Variants in EYS observed in about 807,000 individuals in gnomAD.
EYS encodes the protein protein eyes shut homolog.
Under a neutral mutation model 282.1 loss-of-function variants are expected in EYS, and 250 were observed. The observed-to-expected ratio is 0.89, with a 90% CI of 0.80 to 0.98. EYS has a LOEUF of 0.98. Among genes scored for constraint, EYS ranks in the 50% least tolerant of loss-of-function variants. EYS has a pLI of 0.00. For missense variants in EYS, 4,016 were observed against 3,709.0 expected, an observed-to-expected ratio of 1.08 and a Z score of -2.15; for synonymous variants, 1,355 against 1,282.9, an observed-to-expected ratio of 1.06 and a Z score of -1.20.
chr6:65,632,870 T>G (rs1766964788), intron 2 of EYS, among the ~76,000 whole-genome samples: 1 of 152,162 alleles, frequency 6.6e-6, no homozygotes, highest in South Asian at 2.1e-4. Context: ...TTAAATAACT[T>G]TCCCTGAATT....
intron 12 of EYS, among the ~76,000 whole-genome samples, chr6:65,092,258 C>G (rs1179203667): frequency 6.6e-6 from 1 of 152,044 alleles, no homozygotes. Context: ...AACAAAGTTG[C>G]AAAGATTCAT....
At chr6:65,509,882 G>A (rs1421134936) in intron 2 of EYS, among the ~76,000 whole-genome samples, 4 of 152,062 alleles carry the variant, frequency 2.6e-5, no homozygotes, top group African/African-American at 9.7e-5. Flanking sequence ...TAACTCAGCT[G>A]TACTTCTGAA....
chr6:65,418,881 C>T (rs1767346820), intron 5 of EYS, among the ~76,000 whole-genome samples: 1 of 151,830 alleles, frequency 6.6e-6, no homozygotes, highest in African/African-American at 2.4e-5. Flanking sequence ...GGTCTCAAGC[C>T]ACAATAAGCG....
chr6:65,566,220 C>A (rs1263755776), intron 2 of EYS, among the ~76,000 whole-genome samples: 1 of 151,966 alleles, frequency 6.6e-6, no homozygotes, highest in Non-Finnish European at 1.5e-5. Context: ...TGGAGTTTGA[C>A]CTTCCACCAG....
intron 26 of EYS, among the ~76,000 whole-genome samples, chr6:64,550,245 T>G (rs1013436317): frequency 6.6e-6 from 1 of 152,208 alleles, no homozygotes; most frequent in East Asian, 1.9e-4. Context: ...CCTTTGGGTA[T>G]ATACCCAGTA....
intron 13 of EYS, among the ~76,000 whole-genome samples, chr6:65,055,379 A>G (rs1773382218): frequency 6.6e-6 from 1 of 152,080 alleles, no homozygotes; most frequent in South Asian, 2.1e-4. Flanking sequence ...GAACAGTTGC[A>G]AGGATAGTAC....
At chr6:65,047,674 G>A (rs966293148) in intron 13 of EYS, among the ~76,000 whole-genome samples, 1 of 151,860 alleles carries the variant, frequency 6.6e-6, no homozygotes, top group African/African-American at 2.4e-5. Flanking sequence ...CACACATTAG[G>A]ATTACTAAGT....
intron 36 of EYS, among the ~76,000 whole-genome samples, chr6:63,817,752 A>G (rs189567621): frequency 6.6e-6 from 1 of 152,160 alleles, no homozygotes; most frequent in Admixed American, 6.5e-5. Flanking sequence ...CACGTAGGGG[A>G]AGCAAATTTA....
At chr6:64,848,267 T>A (rs1018301128) in intron 19 of EYS, among the ~76,000 whole-genome samples, 5 of 152,030 alleles carry the variant, frequency 3.3e-5, no homozygotes, top group Admixed American at 1.3e-4. Context: ...ATTTTTTCAG[T>A]CTTTAAGAAT....
intron 28 of EYS, among the ~76,000 whole-genome samples, chr6:64,400,672 A>G (rs1773513532): frequency 6.6e-6 from 1 of 152,136 alleles, no homozygotes. Flanking sequence ...GCTGATGAAC[A>G]GTTTGCTTAG....
intron 24 of EYS, among the ~76,000 whole-genome samples, chr6:64,615,399 CATTTCAATATTTT>C (rs1465549816): frequency 6.6e-6 from 1 of 151,974 alleles, no homozygotes; most frequent in Non-Finnish European, 1.5e-5. Context: ...TACCTGTATC[CATTTCAATATTTT>C]ATTTCAATAT....
intron 26 of EYS, among the ~76,000 whole-genome samples, chr6:64,497,665 AC>A (rs1776932843): frequency 6.6e-6 from 1 of 152,126 alleles, no homozygotes; most frequent in African/African-American, 2.4e-5. Context: ...AGTGTGACAG[AC>A]TCACGGGCAA....
At chr6:65,618,221 C>A (rs1402727991) in intron 2 of EYS, among the ~76,000 whole-genome samples, 1 of 152,190 alleles carries the variant, frequency 6.6e-6, no homozygotes, top group Non-Finnish European at 1.5e-5. Flanking sequence ...CCTGTTGTTT[C>A]CTGAATTTTT....
intron 13 of EYS, among the ~76,000 whole-genome samples, chr6:65,002,921 G>A (rs1023674606): frequency 3.6e-5 from 3 of 83,122 alleles, no homozygotes; most frequent in African/African-American, 2.1e-4. Context: ...TCCTATGCCT[G>A]TCTTTACTTC....
chr6:64,013,469 A>G (rs1292152790), intron 33 of EYS, among the ~76,000 whole-genome samples: 1 of 152,154 alleles, frequency 6.6e-6, no homozygotes, highest in Non-Finnish European at 1.5e-5. Flanking sequence ...ATCCATTTCT[A>G]ACCTCTCTGA....
In EYS at chr6:64,591,508, G is replaced by A. The variant is rs1234718880; in HGVS notation, c.4359C>T (p.Ala1453=). 1.3e-6 allele frequency: 2 copies of A among 1,551,148 alleles called. No homozygotes were observed. Among genetic ancestry groups the A allele is most frequent in the Non-Finnish European group, 1.7e-6 (2 of 1,146,774 alleles). The change falls in exon 26 of 43, where the codon GCC becomes GCT. Residue 1453 remains alanine (A), a synonymous_variant. Coordinates refer to ENST00000503581, the MANE Select transcript of EYS (RefSeq NM_001142800.2). ...AGACAACTGGAGTTGCACTTATGGA[G>A]GCAGCTATAAGCAGGAATCCACGGG... ...LLSRGFLLIA[A]SISATPVVSR...
chr6:65,186,466 T>C (rs1181414448), intron 12 of EYS, among the ~76,000 whole-genome samples: 1 of 151,732 alleles, frequency 6.6e-6, no homozygotes, highest in Non-Finnish European at 1.5e-5. Flanking sequence ...CCTGGGTTAC[T>C]GGTAACTACA....
intron 24 of EYS, among the ~76,000 whole-genome samples, chr6:64,594,414 G>T (rs1044058172): frequency 2.6e-5 from 4 of 152,046 alleles, no homozygotes; most frequent in African/African-American, 9.7e-5. Context: ...GGATGGCTGG[G>T]TCAAATGGTA....
At chr6:63,878,127 G>C (rs1257235802) in intron 35 of EYS, among the ~76,000 whole-genome samples, 1 of 152,200 alleles carries the variant, frequency 6.6e-6, no homozygotes, top group Non-Finnish European at 1.5e-5. Context: ...TTTGGTCTTT[G>C]ATGATGGTGA....
Sources: gnomAD v4.1 joint callset for allele counts (sites outside exome capture counted in the v4.1 genomes callset) on GRCh38, gnomAD v4.1.1 for gene constraint, MANE v1.5 for transcripts, NCBI Gene and HGNC (gene_info 2026-07-23, HGNC 2026-07-21) for gene names.